CDK14: variants seen among roughly 807,000 people sequenced by gnomAD.
CDK14 encodes the protein cyclin dependent kinase 14.
A neutral mutation model predicts 60.7 loss-of-function variants in CDK14; 34 were observed. The observed-to-expected ratio is 0.56, with a 90% CI of 0.43 to 0.75. The LOEUF is 0.75. Ranked by LOEUF, CDK14 falls within the 30% of genes least tolerant of loss-of-function variation. The pLI, the probability that CDK14 is intolerant of heterozygous loss-of-function variation, is 0.00. For synonymous variants in CDK14, 197 were observed against 203.7 expected, an observed-to-expected ratio of 0.97 and a Z score of 0.28; for missense variants, 482 against 564.1, an observed-to-expected ratio of 0.85 and a Z score of 1.47.
At chr7:91,179,797 C>G (rs4607536) in intron 14 of CDK14, among the ~76,000 whole-genome samples, 16,684 of 149,948 alleles carry the variant, frequency 0.11, 1,150 homozygotes, top group Admixed American at 0.23. Context: ...AGCGAGACTC[C>G]GTCTCAAAAA....
chr7:91,143,622 G>C (rs367792110), intron 14 of CDK14, among the ~76,000 whole-genome samples: 1 of 152,146 alleles, frequency 6.6e-6, no homozygotes, highest in African/African-American at 2.4e-5. Context: ...TTGGGAGGCT[G>C]AGGTGGGAGG....
At chr7:91,123,278 G>T (rs1242143940) in intron 14 of CDK14, among the ~76,000 whole-genome samples, 1 of 151,968 alleles carries the variant, frequency 6.6e-6, no homozygotes, top group African/African-American at 2.4e-5. Flanking sequence ...GATTTCTGGG[G>T]TTTTTCCTGC....
intron 14 of CDK14, among the ~76,000 whole-genome samples, chr7:91,163,475 A>T (rs142545461): frequency 6.6e-6 from 1 of 152,270 alleles, no homozygotes; most frequent in Admixed American, 6.5e-5. Context: ...TCCTTTTTTA[A>T]TATTTTTAAT....
intron 12 of CDK14, among the ~76,000 whole-genome samples, chr7:91,111,552 G>C (rs1456659142): frequency 1.3e-5 from 2 of 152,176 alleles, no homozygotes; most frequent in Non-Finnish European, 2.9e-5. Context: ...TTAGAGTCAA[G>C]AAGTTCTGGA....
At chr7:91,166,727 G>A (rs1386196326) in intron 14 of CDK14, among the ~76,000 whole-genome samples, 1 of 152,100 alleles carries the variant, frequency 6.6e-6, no homozygotes, top group African/African-American at 2.4e-5. Context: ...TTCAGTTTTT[G>A]TCATTCAGAG....
intron 14 of CDK14, among the ~76,000 whole-genome samples, chr7:91,120,174 TGTGTTCCTCTTCTTGGCTCTTTTG>T (rs1799738264): frequency 6.6e-6 from 1 of 152,214 alleles, no homozygotes; most frequent in South Asian, 2.1e-4. Context: ...ATTGCAAGGC[TGTGTTCCTCTTCTTGGCTCTTTTG>T]AGATCCCCTG....
At chr7:90,838,855 CT>C in intron 5 of CDK14, among the ~76,000 whole-genome samples, 3 of 152,308 alleles carry the variant, frequency 2.0e-5, no homozygotes, top group Admixed American at 2.0e-4. Context: ...TAATTTCGCC[CT>C]TGCCTTGTGG....
At chr7:90,626,211 T>C (rs1799873147) in intron 2 of CDK14, among the ~76,000 whole-genome samples, 1 of 152,214 alleles carries the variant, frequency 6.6e-6, no homozygotes, top group African/African-American at 2.4e-5. Flanking sequence ...GGAATTTGTT[T>C]ATCTTTTCCA....
At chr7:91,149,192 C>T (rs140316119) in intron 14 of CDK14, among the ~76,000 whole-genome samples, 2 of 152,012 alleles carry the variant, frequency 1.3e-5, no homozygotes, top group South Asian at 2.1e-4. Context: ...TGGGAAGAAA[C>T]ATTGAAAATG....
In CDK14 at chr7:90,783,290, A is replaced by G. The variant is rs530145552; in HGVS notation, c.465-7283A>G. Among the ~76,000 whole-genome samples, 9 of 152,258 alleles carry G rather than the reference A, an allele frequency of 5.9e-5. No homozygotes were observed. The South Asian group carries it at 1.2e-3, about 21-fold the overall frequency. On this transcript the variant is annotated intron_variant, in intron 4 of 14. Transcript: ENST00000380050. ...TCACATCCTAATAAATAGCTGTTAT[A>G]CTATTGTTTTATTAATCTTTGGGTT...
intron 7 of CDK14, among the ~76,000 whole-genome samples, chr7:90,909,501 T>C (rs905010127): frequency 2.1e-5 from 3 of 142,120 alleles, no homozygotes; most frequent in African/African-American, 7.9e-5. Flanking sequence ...CTTACTGTAC[T>C]AGATCTTCTT....
chr7:90,795,983 G>T (rs1171141410), intron 5 of CDK14, among the ~76,000 whole-genome samples: 1 of 152,114 alleles, frequency 6.6e-6, no homozygotes, highest in Admixed American at 6.6e-5. Flanking sequence ...ACTTTGGCTG[G>T]GTGTGAGGCA....
chr7:90,887,161 A>T (rs1378807772), intron 6 of CDK14, among the ~76,000 whole-genome samples: 1 of 152,072 alleles, frequency 6.6e-6, no homozygotes, highest in Non-Finnish European at 1.5e-5. Flanking sequence ...AATTTTACGG[A>T]TTCTTAACAG....
intron 2 of CDK14, among the ~76,000 whole-genome samples, chr7:90,650,831 A>C (rs191819303): frequency 1.5e-4 from 23 of 152,228 alleles, no homozygotes; most frequent in Admixed American, 5.2e-4. Flanking sequence ...CTGTTTTGGT[A>C]CCACTGCTAT....
intron 12 of CDK14, among the ~76,000 whole-genome samples, chr7:91,096,146 T>C (rs1406520150): frequency 6.7e-6 from 1 of 148,162 alleles, no homozygotes; most frequent in African/African-American, 2.5e-5. Context: ...CTCCCAGCGA[T>C]CCCACCTTCT....
At chr7:90,664,454 A>G (rs1226146917) in intron 2 of CDK14, among the ~76,000 whole-genome samples, 2 of 152,218 alleles carry the variant, frequency 1.3e-5, no homozygotes, top group South Asian at 2.1e-4. Flanking sequence ...TACCCAAAGG[A>G]TTATAAATCA....
chr7:90,901,454 C>A (rs1792502126), intron 7 of CDK14, among the ~76,000 whole-genome samples: 1 of 151,980 alleles, frequency 6.6e-6, no homozygotes, highest in Non-Finnish European at 1.5e-5. Flanking sequence ...ATGTGATTTA[C>A]CTCTTCTTAT....
intron 12 of CDK14, among the ~76,000 whole-genome samples, chr7:91,101,197 C>T (rs1799138172): frequency 6.6e-6 from 1 of 152,032 alleles, no homozygotes; most frequent in Admixed American, 6.6e-5. Flanking sequence ...ATCTAATAAC[C>T]CCTTTACCAA....
chr7:90,649,272 C>G (rs17866844), intron 2 of CDK14, among the ~76,000 whole-genome samples: 5,033 of 46,122 alleles, frequency 0.11, 254 homozygotes, highest in South Asian at 0.21. Context: ...TTCTTTCTTT[C>G]TTTCTTTCTT....
Sources: gnomAD v4.1 joint callset for allele counts (sites outside exome capture counted in the v4.1 genomes callset) on GRCh38, gnomAD v4.1.1 for gene constraint, MANE v1.5 for transcripts, NCBI Gene and HGNC (gene_info 2026-07-23, HGNC 2026-07-21) for gene names.